Variants in SRFBP1 observed in about 807,000 individuals in gnomAD.
The protein encoded by SRFBP1 is serum response factor binding protein 1.
A neutral mutation model predicts 45.5 loss-of-function variants in SRFBP1; 47 were observed. The observed-to-expected ratio is 1.03, with a 90% CI of 0.82 to 1.32. The LOEUF is 1.32. SRFBP1 is among the 40% of genes most tolerant of loss of function. The pLI is 0.00. For synonymous variants in SRFBP1, 203 were observed against 166.3 expected (o/e 1.22, Z -1.70); for missense variants, 621 against 484.6 (o/e 1.28, Z -2.64).
At chr5:122,077,987 A>G (rs199506024), downstream of SRFBP1, 3 of 1,452,836 alleles carry the variant, frequency 2.1e-6, no homozygotes, top group East Asian at 7.9e-5. The surrounding 1 kb of genome is among the most constrained non-coding windows in gnomAD (Gnocchi z 4.9). Context: ...GAAGCGCATC[A>G]CTCCTTTTGC....
At chr5:121,994,196 A>G (rs193087405) in intron 3 of SRFBP1, among the ~76,000 whole-genome samples, 114 of 152,148 alleles carry the variant, frequency 7.5e-4, no homozygotes, top group African/African-American at 2.7e-3. Flanking sequence ...ATGCATAGTC[A>G]TAAATGTTAT....
chr5:122,030,048 A>G (rs1580535946), downstream of SRFBP1, among the ~76,000 whole-genome samples: 1 of 152,230 alleles, frequency 6.6e-6, no homozygotes, highest in South Asian at 2.1e-4. Flanking sequence ...TAGCTCTGCA[A>G]AACAGAAGCC....
chr5:122,032,859 C>G (rs1029175585), downstream of SRFBP1, among the ~76,000 whole-genome samples: 1 of 152,142 alleles, frequency 6.6e-6, no homozygotes. Flanking sequence ...TTGCTAAGTT[C>G]CCCTCCATGA....
In SRFBP1 at chr5:121,979,842, A is replaced by G. The variant is rs528410210; in HGVS notation, c.198+4455A>G. On this transcript the variant is annotated intron_variant, in intron 3 of 7. Coordinates refer to ENST00000339397, the MANE Select transcript of SRFBP1 (RefSeq NM_152546.3). ...TTACATTTTGAAACTTCTCCGTGTAATATCCTAAGGTTATATAGCTTACAT... is the reference window on the plus strand; with the variant it reads ...TTACATTTTGAAACTTCTCCGTGTAGTATCCTAAGGTTATATAGCTTACAT... Among the ~76,000 whole-genome samples the G allele has an allele frequency of 2.0e-5, 3 of 152,280 alleles. No homozygotes were observed. The East Asian group carries it at 5.8e-4, about 29-fold the overall frequency.
In SRFBP1 at chr5:122,028,001, A is replaced by G. The variant is rs971903575; in HGVS notation, c.*875A>G. 2 of 152,172 alleles carry G rather than the reference A, an allele frequency of 1.3e-5. No homozygotes were observed. The highest frequency in any genetic ancestry group is 4.8e-5 in the African/African-American group (2 of 41,450). The allele number at this position is 152,172 out of a possible 1,614,324, so 9.4% of individuals were successfully genotyped here. On this transcript the variant is annotated 3_prime_UTR_variant, in exon 8 of 8. Transcript: ENST00000339397. Reference sequence around the variant, plus strand: ...CATAGATTCTAATTTTTAAGAACAAATTCTGAAGGTGGTAGGATTAAAAGA... The same window carrying G: ...CATAGATTCTAATTTTTAAGAACAAGTTCTGAAGGTGGTAGGATTAAAAGA...
At chr5:121,968,885 C>T (rs747130202) in intron 1 of SRFBP1, among the ~76,000 whole-genome samples, 2 of 141,900 alleles carry the variant, frequency 1.4e-5, no homozygotes, top group Non-Finnish European at 3.0e-5. Flanking sequence ...TTTCTTAACA[C>T]TGCAAGTTCC....
rs576978258 is a variant in SRFBP1 at position 122,020,460 on chromosome 5, C to G, written c.725C>G (p.Ser242Ter). Reference protein sequence around the residue: ...QTKKNKGSDSSLSGNSDGGEE... With the variant: ...QTKKNKGSDS ...AAAAAAAACAAAGGATCTGATAGCT[C>G]ACTCTCTGGTAACAGTGATGGCGGA... Residue 242 changes from serine (S) to a stop codon, truncating the protein, a stop_gained, in exon 6 of 8, where the codon TCA (serine) becomes TGA (stop). Coordinates refer to ENST00000339397, the MANE Select transcript of SRFBP1 (RefSeq NM_152546.3). LOFTEE classifies it high-confidence loss of function. 2 of 1,614,070 alleles carry G rather than the reference C, an allele frequency of 1.2e-6. No individual in the cohort carries two copies. The highest frequency in any genetic ancestry group is 2.2e-5 in the South Asian group (2 of 91,064).
intron 4 of SRFBP1, among the ~76,000 whole-genome samples, chr5:122,012,459 A>G (rs1191115117): frequency 2.0e-5 from 3 of 152,108 alleles, no homozygotes; most frequent in Non-Finnish European, 4.4e-5. Flanking sequence ...GGAAAACTAA[A>G]TTTAGTATTT....
chr5:122,016,523 A>T (rs1378009624), intron 4 of SRFBP1, among the ~76,000 whole-genome samples: 1 of 152,050 alleles, frequency 6.6e-6, no homozygotes, highest in Admixed American at 6.6e-5. Context: ...TATTATCTGA[A>T]ATCTTGTAGG....
chr5:122,078,434 C>G (rs80245913), downstream of SRFBP1: 100 of 156,540 alleles, frequency 6.4e-4, no homozygotes, highest in African/African-American at 1.9e-3. Context: ...CCCTCCTCCC[C>G]CCAGACACGT....
intron 2 of SRFBP1, among the ~76,000 whole-genome samples, chr5:121,975,025 AT>A (rs1752273010): frequency 6.6e-6 from 1 of 151,946 alleles, no homozygotes; most frequent in African/African-American, 2.4e-5. Context: ...CGATTGATTG[AT>A]TTAAAAAAGT....
At chr5:122,067,452 A>G (rs1054552565) in intron 2 of SRFBP1, among the ~76,000 whole-genome samples, 10 of 152,256 alleles carry the variant, frequency 6.6e-5, no homozygotes, top group African/African-American at 2.4e-4. Flanking sequence ...TGGCTTTTAC[A>G]CATCAACAGA....
chr5:121,991,007 G>T (rs1183303698), intron 3 of SRFBP1, among the ~76,000 whole-genome samples: 1 of 150,542 alleles, frequency 6.6e-6, no homozygotes, highest in Non-Finnish European at 1.5e-5. Context: ...CTGCTTTCCA[G>T]TGCACTTGTA....
intron 3 of SRFBP1, among the ~76,000 whole-genome samples, chr5:121,982,521 T>TA (rs1454040821): frequency 6.6e-6 from 1 of 151,940 alleles, no homozygotes; most frequent in African/African-American, 2.4e-5. Context: ...ATGATTGCCT[T>TA]AAAATATTTT....
downstream of SRFBP1, among the ~76,000 whole-genome samples, chr5:122,030,598 C>CT (rs79532611): frequency 2.8e-3 from 386 of 138,638 alleles, 1 homozygote; most frequent in East Asian, 0.02. Context: ...CAATTAGAGG[C>CT]TTTTTTTTTT....
chr5:122,069,601 T>C (rs1754394148), intron 2 of SRFBP1, among the ~76,000 whole-genome samples: 2 of 152,156 alleles, frequency 1.3e-5, no homozygotes, highest in Admixed American at 1.3e-4. Context: ...ACATCTTGAT[T>C]TGTACAGACC....
intron 3 of SRFBP1, among the ~76,000 whole-genome samples, chr5:121,980,451 C>T (rs1752386208): frequency 1.3e-5 from 2 of 152,048 alleles, no homozygotes; most frequent in African/African-American, 2.4e-5. Context: ...TTTCACCCAG[C>T]GATTAATGTT....
At chr5:121,992,692 A>T (rs936152223) in intron 3 of SRFBP1, among the ~76,000 whole-genome samples, 1 of 152,108 alleles carries the variant, frequency 6.6e-6, no homozygotes, top group Non-Finnish European at 1.5e-5. Flanking sequence ...TTTGCGTATC[A>T]TACTACTAGA....
At chr5:121,975,291 C>T (rs1036658398) in intron 2 of SRFBP1, 24 bp from the exon 3 acceptor site, 2 of 1,609,874 alleles carry the variant, frequency 1.2e-6, no homozygotes, top group Non-Finnish European at 1.7e-6. Context: ...TGCCTGGCTA[C>T]ATATCGTAAT....
Sources: allele counts gnomAD v4.1 joint callset (sites outside exome capture counted in the v4.1 genomes callset), GRCh38; gene constraint gnomAD v4.1.1; non-coding constraint Gnocchi (gnomAD v3.1); transcripts MANE v1.5; gene names NCBI Gene and HGNC (gene_info 2026-07-23, HGNC 2026-07-21).